ODR4: variants seen among roughly 807,000 people sequenced by gnomAD.
The protein encoded by ODR4 is odr-4 GPCR localization factor homolog.
Under a neutral mutation model 60.2 loss-of-function variants are expected in ODR4, and 47 were observed. The observed-to-expected ratio is 0.78, with a 90% CI of 0.62 to 1.00. The LOEUF (loss-of-function observed/expected upper bound fraction) is 1.00, where lower values mean the gene tolerates loss of function less well. Ranked by LOEUF, ODR4 falls within the 50% of genes least tolerant of loss-of-function variation. The probability of loss-of-function intolerance (pLI) is 0.00; values close to 1 mark genes in which losing one functional copy is unlikely to be tolerated. For synonymous variants in ODR4, 178 were observed against 175.5 expected, an observed-to-expected ratio of 1.01 and a Z score of -0.11; for missense variants, 488 against 530.8, an observed-to-expected ratio of 0.92 and a Z score of 0.79.
intron 11 of ODR4, among the ~76,000 whole-genome samples, chr1:186,403,128 A>C (rs1359110569): frequency 6.6e-6 from 1 of 152,226 alleles, no homozygotes; most frequent in African/African-American, 2.4e-5. Flanking sequence ...ATATATATTC[A>C]ACACTTTAGT....
chr1:186,424,490 C>T (rs1419999399), downstream of ODR4, among the ~76,000 whole-genome samples: 1 of 152,122 alleles, frequency 6.6e-6, no homozygotes, highest in Non-Finnish European at 1.5e-5. Flanking sequence ...TACTTAATGG[C>T]ACTAACATAA....
chr1:186,428,045 G>C, the ODR4 span, among the ~76,000 whole-genome samples: 1 of 152,114 alleles, frequency 6.6e-6, no homozygotes, highest in Non-Finnish European at 1.5e-5. Flanking sequence ...TAGGATTTTT[G>C]GAATGGCAAA....
At chr1:186,431,417 T>C in the ODR4 span, among the ~76,000 whole-genome samples, 103 of 151,996 alleles carry the variant, frequency 6.8e-4, no homozygotes, top group African/African-American at 2.5e-3. Flanking sequence ...GATTCAAGAA[T>C]AGAAAAAAAT....
At chr1:186,390,601 GAT>G in intron 6 of ODR4, 108 bp from the exon 7 acceptor site, 4 of 1,078,006 alleles carry the variant, frequency 3.7e-6, no homozygotes, top group Non-Finnish European at 5.5e-6. Flanking sequence ...ATATATGTTA[GAT>G]ATGAGTTTGT....
Position 186,375,967 on chromosome 1 carries a change from G to A in ODR4, c.-27G>A, listed in dbSNP as rs1659736768. The A allele has an allele frequency of 4.8e-6, 1 of 210,034 alleles. No individual in the cohort carries two copies. Among genetic ancestry groups the A allele is most frequent in the Non-Finnish European group, 1.0e-5 (1 of 96,410 alleles). 13.0% of individuals were successfully genotyped at this position (210,034 alleles called of 1,614,324 possible). A position where few individuals can be genotyped will look rare whatever the true frequency, so the allele number is the denominator to read the frequency against. ...ATTGTCTGCCACGAGTGCACATTCTGAAAACAGGTAAGTCAGCCTAAGTGT... is the reference window on the plus strand; with the variant it reads ...ATTGTCTGCCACGAGTGCACATTCTAAAAACAGGTAAGTCAGCCTAAGTGT... On this transcript the variant is annotated 5_prime_UTR_variant, in exon 1 of 14. Transcript: ENST00000287859.
At chr1:186,401,457 C>T (rs951643760) in intron 11 of ODR4, 14 of 216,684 alleles carry the variant, frequency 6.5e-5, no homozygotes, top group African/African-American at 3.4e-4. Flanking sequence ...TTATAGGCAT[C>T]GTCCGTCTTT....
intron 12 of ODR4, among the ~76,000 whole-genome samples, chr1:186,413,743 A>G (rs1210007944): frequency 6.6e-6 from 1 of 152,232 alleles, no homozygotes; most frequent in East Asian, 1.9e-4. Context: ...ATCGCTGACT[A>G]TAATGATACA....
In ODR4 at chr1:186,389,653, CTG is replaced by C. The variant is rs568690895; in HGVS notation, c.474+33_474+34del. 1.5e-4 allele frequency: 209 copies of C among 1,419,536 alleles called. 1 individual carries two copies. The East Asian group carries it at 4.6e-3, about 31-fold the overall frequency. 87.9% of individuals were successfully genotyped at this position (1,419,536 alleles called of 1,614,324 possible). ...AGAAATTTACTCTTTAAAGATTTTT[CTG>C]TGTCACAAAGTATTTTCAATCAAAA... On this transcript the variant is annotated intron_variant, in intron 6 of 13. Transcript: ENST00000287859.
At chr1:186,431,462 A>G in the ODR4 span, among the ~76,000 whole-genome samples, 2 of 152,182 alleles carry the variant, frequency 1.3e-5, no homozygotes, top group Admixed American at 6.5e-5. Context: ...TCTAATAGAC[A>G]GATGAGTTGA....
chr1:186,427,912 G>A, the ODR4 span, among the ~76,000 whole-genome samples: 1 of 152,198 alleles, frequency 6.6e-6, no homozygotes, highest in Non-Finnish European at 1.5e-5. Context: ...TGAGCATTAA[G>A]TTTCAACAGT....
At chr1:186,391,600 A>C in intron 7 of ODR4, 96 bp from the exon 8 acceptor site, 1 of 796,076 alleles carries the variant, frequency 1.3e-6, no homozygotes, top group Admixed American at 2.5e-5. Context: ...AGGGATTTTA[A>C]TATTTCAATT....
intron 11 of ODR4, among the ~76,000 whole-genome samples, chr1:186,404,568 A>G (rs1406725071): frequency 6.6e-6 from 1 of 152,192 alleles, no homozygotes; most frequent in African/African-American, 2.4e-5. Context: ...ATATAGTCCT[A>G]ATTTCAATGT....
chr1:186,388,676 A>G (rs1056235208), intron 5 of ODR4, 128 bp downstream of exon 5: 20 of 559,090 alleles, frequency 3.6e-5, no homozygotes, highest in African/African-American at 3.6e-4. Context: ...TTTTCTGTAA[A>G]TAACATGGAA....
downstream of ODR4, among the ~76,000 whole-genome samples, chr1:186,423,317 G>A (rs997153662): frequency 2.6e-5 from 4 of 151,736 alleles, no homozygotes; most frequent in African/African-American, 9.7e-5. Flanking sequence ...CAGGCTGATA[G>A]CACTTACTAA....
intron 8 of ODR4, among the ~76,000 whole-genome samples, chr1:186,392,108 C>T (rs772257919): frequency 6.6e-6 from 1 of 151,972 alleles, no homozygotes; most frequent in African/African-American, 2.4e-5. Context: ...CAGTCAGAAT[C>T]GCTGTTATTA....
Position 186,386,413 on chromosome 1 carries a change from A to C in ODR4, c.330+330A>C, listed in dbSNP as rs553854889. ...AAAGCTATTCTTTCCTCAAGTTAAA[A>C]AGTTAAATTATTTACTTCTCAATAA... On this transcript the variant is annotated intron_variant, in intron 4 of 13. Transcript: ENST00000287859. 7.2e-5 allele frequency among the ~76,000 whole-genome samples: 11 copies of C among 152,288 alleles called. No homozygotes were observed. The South Asian group carries it at 2.3e-3, about 32-fold the overall frequency.
chr1:186,398,565 G>A, intron 10 of ODR4, 124 bp downstream of exon 10: 2 of 944,114 alleles, frequency 2.1e-6, no homozygotes, highest in Middle Eastern at 3.4e-4. Flanking sequence ...ATGGCCTATT[G>A]TGCAGTCCAA....
chr1:186,433,929 G>A, the ODR4 span, among the ~76,000 whole-genome samples: 2 of 152,100 alleles, frequency 1.3e-5, no homozygotes, highest in African/African-American at 2.4e-5. Context: ...TAATTCTGTG[G>A]TTAATATCTA....
chr1:186,399,081 C>A, intron 11 of ODR4, 37 bp downstream of exon 11: 1 of 1,256,618 alleles, frequency 8.0e-7, no homozygotes, highest in Non-Finnish European at 1.1e-6. Flanking sequence ...TGCGTATCTT[C>A]AACTGATATA....
Sources: allele counts gnomAD v4.1 joint callset (sites outside exome capture counted in the v4.1 genomes callset), GRCh38; gene constraint gnomAD v4.1.1; transcripts MANE v1.5; gene names NCBI Gene and HGNC (gene_info 2026-07-23, HGNC 2026-07-21).